Variants in IMMP2L observed in about 807,000 individuals in gnomAD.
The protein encoded by IMMP2L is mitochondrial inner membrane protease subunit 2.
IMMP2L carries 18 observed loss-of-function variants against 19.3 expected under a neutral mutation model. The ratio of observed to expected loss-of-function variants is 0.93; its 90% CI spans 0.64 to 1.38. The LOEUF is 1.38. IMMP2L is among the 40% of genes most tolerant of loss of function. IMMP2L has a pLI of 0.00. For missense variants in IMMP2L, 233 were observed against 218.2 expected (o/e 1.07, Z -0.43); for synonymous variants, 76 against 73.0 (o/e 1.04, Z -0.21).
intron 5 of IMMP2L, among the ~76,000 whole-genome samples, chr7:110,787,167 TC>T (rs1800138544): frequency 1.3e-5 from 2 of 152,050 alleles, no homozygotes; most frequent in South Asian, 2.1e-4. Flanking sequence ...TTAAAGAGTG[TC>T]TTTTATTTGA....
chr7:110,763,889 A>C (rs1052002372), intron 5 of IMMP2L, among the ~76,000 whole-genome samples: 1 of 152,120 alleles, frequency 6.6e-6, no homozygotes, highest in Non-Finnish European at 1.5e-5. Context: ...TTGTTCTTCC[A>C]ATCTTGCTTG....
rs536959711 is a variant in IMMP2L, at chr7:111,016,427, A to T, written c.240-52862T>A. The stretch of plus-strand genomic sequence containing the variant: ...ATATTTTATATAATATATATTTTAC[A>T]TTATATTTCAGATAATTATATATAA... On this transcript the variant is annotated intron_variant, in intron 3 of 5. Transcript: ENST00000405709. Among the ~76,000 whole-genome samples, 5 of 136,506 alleles carry T rather than the reference A, an allele frequency of 3.7e-5. No individual in the cohort carries two copies. The South Asian group carries it at 6.7e-4, about 18-fold the overall frequency. The allele number at this position is 136,506 out of a possible 152,430, so 89.6% of individuals were successfully genotyped here.
chr7:111,212,360 G>A (rs1311771246), intron 3 of IMMP2L, among the ~76,000 whole-genome samples: 1 of 152,188 alleles, frequency 6.6e-6, no homozygotes, highest in East Asian at 1.9e-4. Context: ...TGTAATCCAA[G>A]CAGTTTGGAA....
chr7:111,359,803 T>G (rs1369405461), intron 3 of IMMP2L, among the ~76,000 whole-genome samples: 1 of 152,114 alleles, frequency 6.6e-6, no homozygotes, highest in East Asian at 1.9e-4. Flanking sequence ...CCAATAAATA[T>G]TTATTGAATG....
chr7:111,149,686 G>A (rs186263076), intron 3 of IMMP2L, among the ~76,000 whole-genome samples: 59 of 152,004 alleles, frequency 3.9e-4, no homozygotes, highest in African/African-American at 1.3e-3. Context: ...ACGTACAGAC[G>A]GACCCCACAG....
chr7:111,438,640 T>C (rs1190128704), intron 3 of IMMP2L, among the ~76,000 whole-genome samples: 2 of 151,888 alleles, frequency 1.3e-5, no homozygotes, highest in Non-Finnish European at 2.9e-5. Flanking sequence ...AACCTTTCTC[T>C]TCTAGGTTAT....
intron 3 of IMMP2L, among the ~76,000 whole-genome samples, chr7:111,080,372 A>G (rs938734886): frequency 6.6e-6 from 1 of 151,932 alleles, no homozygotes; most frequent in Non-Finnish European, 1.5e-5. Context: ...TTTCAATGCA[A>G]TTTTATCCAA....
intron 3 of IMMP2L, among the ~76,000 whole-genome samples, chr7:111,446,185 C>G (rs1344035698): frequency 1.3e-5 from 2 of 152,222 alleles, no homozygotes; most frequent in Admixed American, 1.3e-4. Flanking sequence ...CCTGGAAGCT[C>G]AAACTGGGTG....
chr7:110,852,491 T>C (rs1353788469), intron 5 of IMMP2L, among the ~76,000 whole-genome samples: 1 of 151,926 alleles, frequency 6.6e-6, no homozygotes, highest in Non-Finnish European at 1.5e-5. Context: ...ATCCCCAAAT[T>C]AGAAAATTTT....
intron 3 of IMMP2L, among the ~76,000 whole-genome samples, chr7:110,997,890 C>A (rs564217438): frequency 6.6e-6 from 1 of 152,104 alleles, no homozygotes; most frequent in Non-Finnish European, 1.5e-5. Context: ...AGATTCAGAA[C>A]TTGCCAAGTT....
At chr7:111,540,972 A>C (rs1290633939) in intron 1 of IMMP2L, among the ~76,000 whole-genome samples, 1 of 152,084 alleles carries the variant, frequency 6.6e-6, no homozygotes, top group East Asian at 1.9e-4. Context: ...CGTCCCTCCC[A>C]AAGACCAAGT....
chr7:111,095,672 G>C (rs766100699), intron 3 of IMMP2L, among the ~76,000 whole-genome samples: 27 of 151,950 alleles, frequency 1.8e-4, no homozygotes, highest in Non-Finnish European at 3.2e-4. Flanking sequence ...CACCTACAGA[G>C]ACTCAGCTAT....
At chr7:110,824,736 G>A (rs1449652397) in intron 5 of IMMP2L, among the ~76,000 whole-genome samples, 1 of 152,040 alleles carries the variant, frequency 6.6e-6, no homozygotes, top group Non-Finnish European at 1.5e-5. Flanking sequence ...GTTTCAAGTG[G>A]CTTGTTCAGC....
intron 5 of IMMP2L, among the ~76,000 whole-genome samples, chr7:110,812,661 G>A (rs1802128896): frequency 2.0e-5 from 3 of 152,010 alleles, no homozygotes; most frequent in Non-Finnish European, 4.4e-5. Context: ...AGTCTCAATT[G>A]TCTCACAGAA....
chr7:111,464,127 G>C (rs1359059937), intron 3 of IMMP2L, among the ~76,000 whole-genome samples: 4 of 151,992 alleles, frequency 2.6e-5, no homozygotes, highest in African/African-American at 9.7e-5. Context: ...GATTACATAA[G>C]TCCAGTTAAT....
chr7:110,859,607 G>A (rs1807166633), intron 5 of IMMP2L, among the ~76,000 whole-genome samples: 1 of 151,802 alleles, frequency 6.6e-6, no homozygotes, highest in South Asian at 2.1e-4. Context: ...GCCAGGCATG[G>A]TGTTGTGTAC....
In IMMP2L at chr7:110,877,781, A is replaced by T. The variant is rs1265285109; in HGVS notation, c.408+8812T>A. On this transcript the variant is annotated intron_variant, in intron 5 of 5. Transcript: ENST00000405709. The surrounding 1 kb of genome is among the most constrained non-coding windows in gnomAD (Gnocchi z 4.0). ...CACATGGGTCCCTATGCCAATCAAG[A>T]TCTGGCATTCAGCACTAGCAAAGTG... Among the ~76,000 whole-genome samples the T allele has an allele frequency of 6.6e-6, 1 of 152,136 alleles. No homozygotes were observed. The highest frequency in any genetic ancestry group is 1.5e-5 in the Non-Finnish European group (1 of 68,014).
chr7:110,813,385 CTG>C (rs1163633136), intron 5 of IMMP2L, among the ~76,000 whole-genome samples: 4 of 151,278 alleles, frequency 2.6e-5, no homozygotes, highest in African/African-American at 9.7e-5. Context: ...TCTTAATTGT[CTG>C]TGGGTTAAGA....
chr7:111,428,475 A>T (rs1217031339), intron 3 of IMMP2L, among the ~76,000 whole-genome samples: 1 of 151,874 alleles, frequency 6.6e-6, no homozygotes, highest in Non-Finnish European at 1.5e-5. Context: ...TATGTGAAAT[A>T]AATTAAGAAT....
Sources: allele counts gnomAD v4.1 joint callset (sites outside exome capture counted in the v4.1 genomes callset), GRCh38; gene constraint gnomAD v4.1.1; non-coding constraint Gnocchi (gnomAD v3.1); transcripts MANE v1.5; gene names NCBI Gene and HGNC (gene_info 2026-07-23, HGNC 2026-07-21).